Variants in PARD3B observed in about 807,000 individuals in gnomAD.
PARD3B encodes the protein par-3 family cell polarity regulator beta.
In PARD3B, 103 loss-of-function variants were observed where a neutral mutation model predicts 130.2. That is an observed-to-expected ratio of 0.79 (90% confidence interval 0.67 to 0.93). The LOEUF (loss-of-function observed/expected upper bound fraction) is 0.93, where lower values mean the gene tolerates loss of function less well. Ranked by LOEUF, PARD3B falls within the 40% of genes least tolerant of loss-of-function variation. The probability of loss-of-function intolerance (pLI) is 0.00; values close to 1 mark genes in which losing one functional copy is unlikely to be tolerated. For missense variants in PARD3B, 1,609 were observed against 1,499.2 expected, an observed-to-expected ratio of 1.07 and a Z score of -1.21; for synonymous variants, 583 against 553.2, an observed-to-expected ratio of 1.05 and a Z score of -0.76.
chr2:205,084,513 C>A (rs1157854276), intron 4 of PARD3B, among the ~76,000 whole-genome samples: 3 of 152,010 alleles, frequency 2.0e-5, no homozygotes, highest in African/African-American at 7.2e-5. Flanking sequence ...ATCACTCTTT[C>A]ATTTGATGTT....
At chr2:205,204,887 C>A (rs566899138) in intron 15 of PARD3B, among the ~76,000 whole-genome samples, 1 of 152,216 alleles carries the variant, frequency 6.6e-6, no homozygotes, top group South Asian at 2.1e-4. Flanking sequence ...TAGCATGATG[C>A]CCCCAGCTTT....
intron 15 of PARD3B, among the ~76,000 whole-genome samples, chr2:205,231,727 G>A (rs998375312): frequency 6.6e-6 from 1 of 152,168 alleles, no homozygotes; most frequent in African/African-American, 2.4e-5. Flanking sequence ...CAGTTATTGA[G>A]TCTAAGAAAT....
intron 15 of PARD3B, among the ~76,000 whole-genome samples, chr2:205,225,505 A>G (rs6713357): frequency 0.56 from 84,457 of 151,958 alleles, 23,752 homozygotes; most frequent in Admixed American, 0.65. Flanking sequence ...CTGTTTAATA[A>G]TCCATTTTCA....
chr2:205,048,809 T>G (rs1439278890), intron 4 of PARD3B, among the ~76,000 whole-genome samples: 2 of 152,218 alleles, frequency 1.3e-5, no homozygotes, highest in African/African-American at 4.8e-5. Flanking sequence ...AGCAGGTGTC[T>G]TGAAAGTATT....
At chr2:205,490,493 TTTCTTA>T (rs1425956402) in intron 20 of PARD3B, among the ~76,000 whole-genome samples, 2 of 152,222 alleles carry the variant, frequency 1.3e-5, no homozygotes, top group African/African-American at 4.8e-5. Context: ...TGTGCCACAT[TTTCTTA>T]ATCCAGTCTA....
chr2:205,544,361 T>C (rs946451137), intron 21 of PARD3B, among the ~76,000 whole-genome samples: 1 of 151,876 alleles, frequency 6.6e-6, no homozygotes, highest in African/African-American at 2.4e-5. Context: ...GGATAGGAAA[T>C]GAGGAATGAT....
rs1432446508 is a variant in PARD3B at position 205,308,963 on chromosome 2, A to G, written c.2630+7262A>G. On this transcript the variant is annotated intron_variant, in intron 18 of 22. Coordinates refer to ENST00000406610, the MANE Select transcript of PARD3B (RefSeq NM_001302769.2). ...TGGTGACGGTCTAACAGCAGAATAG[A>G]GTGCACACTGCACACAGCCCAAGCT... Among the ~76,000 whole-genome samples, 81 of 152,236 alleles carry G rather than the reference A, an allele frequency of 5.3e-4. 1 individual carries two copies. Among genetic ancestry groups the G allele is most frequent in the Admixed American group, 5.3e-3 (81 of 15,286 alleles).
At chr2:205,070,763 CA>C (rs1321078884) in intron 4 of PARD3B, among the ~76,000 whole-genome samples, 1 of 152,104 alleles carries the variant, frequency 6.6e-6, no homozygotes, top group Non-Finnish European at 1.5e-5. Context: ...CTACTTGAAA[CA>C]ATAGGTAATC....
Position 205,610,574 on chromosome 2 carries a change from G to A in PARD3B, c.3261-4882G>A, listed in dbSNP as rs530260438. Among the ~76,000 whole-genome samples the A allele has an allele frequency of 2.6e-5, 4 of 152,220 alleles. No homozygotes were observed. In the South Asian group the frequency reaches 6.2e-4, roughly 24 times the overall value. On this transcript the variant is annotated intron_variant, in intron 22 of 22. Coordinates refer to ENST00000406610, the MANE Select transcript of PARD3B (RefSeq NM_001302769.2). ...CAGTTAGTCATGCTGAGCTCACTGG[G>A]AAGTCAGAGAAATTGAATCCCAGTG...
chr2:205,476,848 A>C (rs2049039035), intron 20 of PARD3B, among the ~76,000 whole-genome samples: 1 of 152,044 alleles, frequency 6.6e-6, no homozygotes, highest in Non-Finnish European at 1.5e-5. Context: ...TTGTTTCTTC[A>C]TGTGTGTATG....
intron 1 of PARD3B, among the ~76,000 whole-genome samples, chr2:204,668,571 G>A (rs1432361332): frequency 1.3e-5 from 2 of 152,102 alleles, no homozygotes; most frequent in African/African-American, 4.8e-5. Context: ...AGCTTAATTT[G>A]TAACCCTTTT....
chr2:204,913,115 A>G (rs1052422845), intron 2 of PARD3B, among the ~76,000 whole-genome samples: 2 of 152,248 alleles, frequency 1.3e-5, no homozygotes, highest in African/African-American at 4.8e-5. Context: ...CACAGGAGAC[A>G]CTTTACCTCA....
intron 3 of PARD3B, among the ~76,000 whole-genome samples, chr2:205,039,322 G>C (rs959775729): frequency 1.3e-5 from 2 of 152,126 alleles, no homozygotes. Flanking sequence ...TGGATGCCTT[G>C]ACTAGTGAGA....
At chr2:204,596,245 TTA>T (rs2033284395) in intron 1 of PARD3B, among the ~76,000 whole-genome samples, 1 of 152,200 alleles carries the variant, frequency 6.6e-6, no homozygotes, top group Admixed American at 6.5e-5. Flanking sequence ...ATAGAATAGA[TTA>T]TGAGCCTTCC....
Position 204,777,333 on chromosome 2 carries a change from A to G in PARD3B, c.222+91051A>G, listed in dbSNP as rs1047054257. ...ACCCAGTCCTCCTGATTTCAGGCCA[A>G]TAATCTTTCTGCTACACTACTTTAA... is the stretch of plus-strand genomic sequence containing the variant. On this transcript the variant is annotated intron_variant, in intron 2 of 22. Transcript: ENST00000406610. Among the ~76,000 whole-genome samples the G allele has an allele frequency of 4.4e-4, 67 of 152,212 alleles. 1 individual carries two copies. Among genetic ancestry groups the G allele is most frequent in the African/African-American group, 1.4e-3 (56 of 41,452 alleles).
intron 21 of PARD3B, among the ~76,000 whole-genome samples, chr2:205,539,769 A>T (rs2052040201): frequency 6.6e-6 from 1 of 151,770 alleles, no homozygotes; most frequent in Admixed American, 6.6e-5. Context: ...AGGTCATTGC[A>T]CAGAGCAAAC....
chr2:205,036,366 T>TAA (rs202216026), intron 3 of PARD3B, among the ~76,000 whole-genome samples: 3 of 138,910 alleles, frequency 2.2e-5, no homozygotes, highest in Admixed American at 1.5e-4. Context: ...GCTATATATA[T>TAA]AAAATATATA....
chr2:205,247,348 A>T (rs188793989), intron 16 of PARD3B, among the ~76,000 whole-genome samples: 1 of 152,192 alleles, frequency 6.6e-6, no homozygotes, highest in African/African-American at 2.4e-5. Context: ...GTAAATTTCA[A>T]TGATCTGTCT....
At position 205,490,690 on chromosome 2, in the gene PARD3B, G is replaced by A. The variant is rs866215689; in HGVS notation, c.3045-9206G>A. 3.3e-5 allele frequency among the ~76,000 whole-genome samples: 5 copies of A among 152,314 alleles called. No homozygotes were observed. In the Middle Eastern group the frequency reaches 0.014, roughly 414 times the overall value. On this transcript the variant is annotated intron_variant, in intron 20 of 22. Transcript: ENST00000406610. ...TAGATCCCTGAGGAATCGCCACACT[G>A]ACTTCCACAATGCTTGAACTAGTTT...
Sources: gnomAD v4.1 joint callset for allele counts (sites outside exome capture counted in the v4.1 genomes callset) on GRCh38, gnomAD v4.1.1 for gene constraint, MANE v1.5 for transcripts, NCBI Gene and HGNC (gene_info 2026-07-23, HGNC 2026-07-21) for gene names.